Variants in SBSPON observed in about 807,000 individuals in gnomAD.
The protein encoded by SBSPON is somatomedin-B and thrombospondin type-1 domain-containing protein.
A neutral mutation model predicts 35.8 loss-of-function variants in SBSPON; 30 were observed. The observed-to-expected ratio is 0.84, with a 90% CI of 0.63 to 1.14. The LOEUF (loss-of-function observed/expected upper bound fraction) is 1.14, where lower values mean the gene tolerates loss of function less well. Among genes scored for constraint, SBSPON ranks in the 50% most tolerant of loss-of-function variants. SBSPON has a pLI of 0.00. For synonymous variants in SBSPON, 136 were observed against 135.9 expected (o/e 1.00, Z 0.00); for missense variants, 364 against 357.7 (o/e 1.02, Z -0.14).
At chr8:73,075,988 GAGC>G (rs1810588081) in intron 2 of SBSPON, among the ~76,000 whole-genome samples, 1 of 152,190 alleles carries the variant, frequency 6.6e-6, no homozygotes, top group African/African-American at 2.4e-5. Context: ...ATTAATAAGA[GAGC>G]TTCAGGGATC....
intron 3 of SBSPON, among the ~76,000 whole-genome samples, chr8:73,070,375 G>A (rs2129988381): frequency 6.6e-6 from 1 of 152,300 alleles, no homozygotes; most frequent in Non-Finnish European, 1.5e-5. Context: ...GCACTTGCTT[G>A]AGCCTGAGAA....
chr8:73,071,886 T>C lies in SBSPON; in HGVS notation c.410-16A>G, dbSNP rs1424524975. On this transcript the variant is annotated splice_polypyrimidine_tract_variant and intron_variant, in intron 2 of 4. Transcript: ENST00000297354. ...AAGGCAGGAACTGGAAAAGGGAGAT[T>C]TCTGTTGAATTCAGGGAGCCAAAGT... 2.0e-5 allele frequency: 31 copies of C among 1,541,500 alleles called. No individual in the cohort carries two copies. The highest frequency in any genetic ancestry group is 2.4e-5 in the Non-Finnish European group (27 of 1,114,188).
chr8:73,084,680 A>G (rs570237006), intron 1 of SBSPON, among the ~76,000 whole-genome samples: 1 of 150,880 alleles, frequency 6.6e-6, no homozygotes, highest in Non-Finnish European at 1.5e-5. Context: ...CTCCCAGACT[A>G]ACTACTTCCT....
intron 3 of SBSPON, among the ~76,000 whole-genome samples, chr8:73,070,312 A>C (rs1377736238): frequency 6.6e-6 from 1 of 152,192 alleles, no homozygotes; most frequent in Non-Finnish European, 1.5e-5. Context: ...TTTTTGTAGA[A>C]ACCCAGTCCT....
At chr8:73,081,482 C>T (rs893368422) in intron 1 of SBSPON, among the ~76,000 whole-genome samples, 1 of 152,136 alleles carries the variant, frequency 6.6e-6, no homozygotes, top group African/African-American at 2.4e-5. Context: ...GGGAAACACA[C>T]CCAAGGAGAT....
chr8:73,080,112 G>C (rs1002804879), intron 2 of SBSPON, among the ~76,000 whole-genome samples: 1 of 152,054 alleles, frequency 6.6e-6, no homozygotes, highest in Non-Finnish European at 1.5e-5. Context: ...TTAATGAGCC[G>C]ATTCCTGGCC....
Position 73,065,269 on chromosome 8 carries a change from A to G in SBSPON, c.*2072T>C, listed in dbSNP as rs1810365029. The G allele has an allele frequency of 6.6e-6, 1 of 152,202 alleles. No individual in the cohort carries two copies. Among genetic ancestry groups the G allele is most frequent in the Non-Finnish European group, 1.5e-5 (1 of 68,038 alleles). 9.4% of individuals were successfully genotyped at this position (152,202 alleles called of 1,614,324 possible). ...ATACACCTCAATTATGTTAAATGTT[A>G]TAACACATATCGGAACTATAAAAGC... is the stretch of plus-strand genomic sequence containing the variant. On this transcript the variant is annotated 3_prime_UTR_variant, in exon 5 of 5. Transcript: ENST00000297354.
intron 2 of SBSPON, among the ~76,000 whole-genome samples, chr8:73,078,674 C>T (rs1810640251): frequency 6.6e-6 from 1 of 152,212 alleles, no homozygotes; most frequent in Non-Finnish European, 1.5e-5. Context: ...TAATGTCCTA[C>T]AGTGTCTTCC....
At chr8:73,071,017 T>TA (rs1379783558) in intron 3 of SBSPON, among the ~76,000 whole-genome samples, 2 of 152,190 alleles carry the variant, frequency 1.3e-5, no homozygotes, top group Non-Finnish European at 2.9e-5. Context: ...CAGCTCTTTT[T>TA]AAAAAAGTAT....
intron 1 of SBSPON, among the ~76,000 whole-genome samples, chr8:73,083,434 G>A (rs1798681698): frequency 6.6e-6 from 1 of 152,148 alleles, no homozygotes; most frequent in South Asian, 2.1e-4. Context: ...TTCCTATACT[G>A]CACCAAAGAT....
Position 73,071,817 on chromosome 8 carries a change from T to C in SBSPON, c.463A>G (p.Thr155Ala), listed in dbSNP as rs1157247283. Residue 155 changes from threonine to alanine, a missense_variant, in exon 3 of 5, where the codon ACG becomes GCG. By Grantham distance (58) the Thr-to-Ala change is moderately conservative. Coordinates refer to ENST00000297354, the MANE Select transcript of SBSPON (RefSeq NM_153225.4). ...AFNKERTRQA[T>A]SPHWSTHTED... ...GTGTGTGTAGACCAGTGTGGAGACG[T>C]AGCTTGTCGTGTTCTCTCCTTGTTG... The C allele has an allele frequency of 6.2e-7, 1 of 1,610,890 alleles. No homozygotes were observed. Among genetic ancestry groups the C allele is most frequent in the East Asian group, 2.2e-5 (1 of 44,776 alleles).
chr8:73,067,553 T>A, intron 4 of SBSPON, 95 bp from the exon 5 acceptor site: 2 of 647,038 alleles, frequency 3.1e-6, no homozygotes, highest in African/African-American at 2.5e-5. Flanking sequence ...AAAAAACTGA[T>A]CACAGCCTGA....
chr8:73,090,653 G>A (rs79259186), intron 1 of SBSPON, among the ~76,000 whole-genome samples: 12,912 of 152,250 alleles, frequency 0.085, 1,348 homozygotes, highest in East Asian at 0.24. Flanking sequence ...TTCTCAACAC[G>A]GAGCTTTTCA....
intron 3 of SBSPON, among the ~76,000 whole-genome samples, chr8:73,071,204 C>A (rs1377108744): frequency 2.0e-5 from 3 of 152,246 alleles, no homozygotes; most frequent in African/African-American, 7.2e-5. Flanking sequence ...TCATACCAAC[C>A]TCATGTGGTA....
intron 1 of SBSPON, among the ~76,000 whole-genome samples, chr8:73,091,616 A>G (rs1810937286): frequency 6.6e-6 from 1 of 152,198 alleles, no homozygotes; most frequent in Admixed American, 6.5e-5. Context: ...AGGGCACTGC[A>G]TTTCCTAAAT....
Position 73,093,086 on chromosome 8 carries a change from G to T in SBSPON, c.-19C>A. The T allele has an allele frequency of 7.7e-7, 1 of 1,291,996 alleles. No homozygotes were observed. Among genetic ancestry groups the T allele is most frequent in the Non-Finnish European group, 9.8e-7 (1 of 1,016,874 alleles). The allele number at this position is 1,291,996 out of a possible 1,614,324, so 80.0% of individuals were successfully genotyped here. A position where few individuals can be genotyped will look rare whatever the true frequency, so the allele number is the denominator to read the frequency against. ...TCCTCATGGCCAGGGCTCCGGCGGC[G>T]CCTGCGACGCGACAGACCCCCGGGG... is the stretch of plus-strand genomic sequence containing the variant. On this transcript the variant is annotated 5_prime_UTR_variant, in exon 1 of 5. Coordinates refer to ENST00000297354, the MANE Select transcript of SBSPON (RefSeq NM_153225.4).
intron 1 of SBSPON, among the ~76,000 whole-genome samples, chr8:73,086,513 G>A (rs1810829324): frequency 6.6e-6 from 1 of 152,040 alleles, no homozygotes; most frequent in South Asian, 2.1e-4. Context: ...GTAGAACCTT[G>A]TCAAAGCTTC....
In SBSPON at chr8:73,092,936, G is replaced by A. The variant is rs1345111800; in HGVS notation, c.132C>T (p.Asp44=). 2.3e-5 allele frequency: 37 copies of A among 1,608,410 alleles called. No homozygotes were observed. The highest frequency in any genetic ancestry group is 3.0e-5 in the Non-Finnish European group (35 of 1,178,444). Residue 44 remains aspartate (D), a synonymous_variant, in exon 1 of 5, where the codon GAC becomes GAT. Coordinates refer to ENST00000297354, the MANE Select transcript of SBSPON (RefSeq NM_153225.4). Reference sequence around the variant, plus strand: ...CGCAGAAACACGTCCCGTAGACCCTGTCCAGCCTCCAGCCGCGGGCGAAGC... The same window carrying A: ...CGCAGAAACACGTCCCGTAGACCCTATCCAGCCTCCAGCCGCGGGCGAAGC... ...PACFARGWRL[D]RVYGTCFCDQ...
At chr8:73,081,305 A>G in intron 1 of SBSPON, 92 bp from the exon 2 acceptor site, 1 of 1,161,324 alleles carries the variant, frequency 8.6e-7, no homozygotes, top group South Asian at 1.7e-5. Context: ...GTTTAGCTCC[A>G]TGTAAACTTT....
Sources: allele counts gnomAD v4.1 joint callset (sites outside exome capture counted in the v4.1 genomes callset), GRCh38; gene constraint gnomAD v4.1.1; transcripts MANE v1.5; gene names NCBI Gene and HGNC (gene_info 2026-07-23, HGNC 2026-07-21).